METTL16: variants seen among roughly 807,000 people sequenced by gnomAD.
The protein encoded by METTL16 is RNA N(6)-adenosine-methyltransferase METTL16.
In METTL16, 19 loss-of-function variants were observed where a neutral mutation model predicts 57.9. That is an observed-to-expected ratio of 0.33 (90% CI 0.23 to 0.48). METTL16 has a LOEUF of 0.48. Ranked by LOEUF, METTL16 falls within the 20% of genes least tolerant of loss-of-function variation. METTL16 has a pLI of 0.99. For synonymous variants in METTL16, 246 were observed against 255.6 expected, an observed-to-expected ratio of 0.96 and a Z score of 0.36; for missense variants, 434 against 691.5, an observed-to-expected ratio of 0.63 and a Z score of 4.18.
At chr17:2,498,643 A>C (rs902486750) in intron 2 of METTL16, among the ~76,000 whole-genome samples, 2 of 150,750 alleles carry the variant, frequency 1.3e-5, no homozygotes, top group Admixed American at 6.6e-5. Flanking sequence ...GGAGGCTGAG[A>C]CAGGAGAATC....
chr17:2,473,480 G>C (rs2067248850), intron 4 of METTL16, 44 bp downstream of exon 4: 3 of 1,569,010 alleles, frequency 1.9e-6, no homozygotes, highest in Non-Finnish European at 2.6e-6. Flanking sequence ...TAAAAAGGCA[G>C]GTGAAGACAC....
chr17:2,496,846 T>C (rs1276066538), intron 2 of METTL16, among the ~76,000 whole-genome samples: 1 of 151,492 alleles, frequency 6.6e-6, no homozygotes, highest in Non-Finnish European at 1.5e-5. Context: ...CCCTTCCACC[T>C]TCCACCCTGT....
chr17:2,441,514 C>G lies in METTL16; in HGVS notation c.774G>C (p.Leu258=). The G allele has an allele frequency of 6.3e-7, 1 of 1,597,910 alleles. No individual in the cohort carries two copies. The highest frequency in any genetic ancestry group is 8.5e-7 in the Non-Finnish European group (1 of 1,170,930). ...MLGKKCSLAP[L]KEELRIQGVP... ...CCCCTTGTATGCGAAGCTCCTCCTT[C>G]AGAGGCGCCAGGCTGCATTTCTTTC... Residue 258 remains leucine, a synonymous_variant, in exon 7 of 10, where the codon CTG becomes CTC. Transcript: ENST00000263092.
chr17:2,496,253 T>G (rs2067444315), intron 2 of METTL16, among the ~76,000 whole-genome samples: 1 of 151,708 alleles, frequency 6.6e-6, no homozygotes, highest in South Asian at 2.1e-4. Context: ...CTCTGTATAT[T>G]TCTGTCTACT....
intron 1 of METTL16, among the ~76,000 whole-genome samples, chr17:2,505,608 A>AG (rs1323377664): frequency 6.6e-6 from 1 of 151,622 alleles, no homozygotes; most frequent in East Asian, 1.9e-4. Flanking sequence ...CCCAGGCCAG[A>AG]CTTGAACTCC....
chr17:2,508,558 C>T (rs1837822006), intron 1 of METTL16, among the ~76,000 whole-genome samples: 2 of 152,124 alleles, frequency 1.3e-5, no homozygotes, highest in Admixed American at 6.6e-5. Context: ...CTCCATCTCC[C>T]AATTATTTCT....
Position 2,420,137 on chromosome 17 carries a change from G to C in METTL16, c.1522C>G (p.Pro508Ala), listed in dbSNP as rs1325446034. 1 of 1,614,212 alleles carries C rather than the reference G, an allele frequency of 6.2e-7. No homozygotes were observed. The change falls in exon 10 of 10, where the codon CCA becomes GCA. Residue 508 changes from proline to alanine, a missense_variant. Pro to Ala is a conservative substitution (Grantham distance 27, BLOSUM62 -1). Coordinates refer to ENST00000263092, the MANE Select transcript of METTL16 (RefSeq NM_024086.4). The surrounding 1 kb of genome is among the most constrained non-coding windows in gnomAD (Gnocchi z 5.4). ...SPVAERGKRL[P>A]GVAGQYLFKC... Reference sequence around the variant, plus strand: ...AACAGGTACTGTCCGGCCACTCCTGGGAGACGTTTCCCCCTTTCAGCCACT... The same window carrying C: ...AACAGGTACTGTCCGGCCACTCCTGCGAGACGTTTCCCCCTTTCAGCCACT...
At chr17:2,436,243 G>A (rs2062175054) in intron 8 of METTL16, among the ~76,000 whole-genome samples, 1 of 152,036 alleles carries the variant, frequency 6.6e-6, no homozygotes. Context: ...GGGGTGGTGA[G>A]GGGTGTCAAA....
At chr17:2,483,940 T>C (rs561574033) in intron 2 of METTL16, among the ~76,000 whole-genome samples, 2 of 152,348 alleles carry the variant, frequency 1.3e-5, no homozygotes, top group East Asian at 3.9e-4. Context: ...TTCGTGTCTT[T>C]AACTCGAGAA....
chr17:2,419,772 G>C lies in METTL16; in HGVS notation c.*198C>G, dbSNP rs1468025487. ...ATGACCACAATTCCTCCTTGTAAAT[G>C]ACCACACTACGACTCCCTGTAACTC... On this transcript the variant is annotated 3_prime_UTR_variant, in exon 10 of 10. Coordinates refer to ENST00000263092, the MANE Select transcript of METTL16 (RefSeq NM_024086.4). The C allele has an allele frequency of 4.1e-6, 3 of 726,270 alleles. No homozygotes were observed. The highest frequency in any genetic ancestry group is 7.3e-6 in the Non-Finnish European group (3 of 409,458). The allele number at this position is 726,270 out of a possible 1,614,324, so 45.0% of individuals were successfully genotyped here.
At chr17:2,433,063 T>A (rs184069414) in intron 8 of METTL16, among the ~76,000 whole-genome samples, 1 of 152,102 alleles carries the variant, frequency 6.6e-6, no homozygotes, top group African/African-American at 2.4e-5. Flanking sequence ...CACAAGGAAG[T>A]TTATGCAGAG....
chr17:2,466,049 C>T (rs757688829), intron 5 of METTL16, among the ~76,000 whole-genome samples: 4 of 151,652 alleles, frequency 2.6e-5, no homozygotes, highest in South Asian at 2.1e-4. Context: ...AAAAATTAGC[C>T]GGGCGTGGAG....
intron 7 of METTL16, among the ~76,000 whole-genome samples, chr17:2,440,498 C>T (rs1210577755): frequency 2.0e-5 from 3 of 151,982 alleles, no homozygotes; most frequent in Non-Finnish European, 4.4e-5. Flanking sequence ...CCGCCCACAT[C>T]GGCCTGCCAA....
rs574975418 is a variant in METTL16, at chr17:2,510,969, G to A, written c.-1+790C>T. 4.9e-4 allele frequency among the ~76,000 whole-genome samples: 75 copies of A among 151,902 alleles called. No homozygotes were observed. In the Middle Eastern group the frequency reaches 0.014, roughly 28 times the overall value. On this transcript the variant is annotated intron_variant, in intron 1 of 9. Transcript: ENST00000263092. ...ATCTCCCGTCAGTAAGTTTCAAGAG[G>A]GTAAATATTTTGTCTGTCTTGTTCA...
intron 1 of METTL16, among the ~76,000 whole-genome samples, chr17:2,509,697 GCCTGGCCAACATGGAGACCAT>G (rs1443699631): frequency 6.6e-6 from 1 of 152,172 alleles, no homozygotes; most frequent in Non-Finnish European, 1.5e-5. Context: ...TGTGAGACCA[GCCTGGCCAACATGGAGACCAT>G]CCTGGCCAAC....
At chr17:2,481,113 G>A (rs537635964) in intron 2 of METTL16, among the ~76,000 whole-genome samples, 1 of 151,994 alleles carries the variant, frequency 6.6e-6, no homozygotes, top group South Asian at 2.1e-4. Context: ...GGCTGAGCTT[G>A]CAGAATTGCT....
Position 2,417,392 on chromosome 17 carries a change from C to A in METTL16, c.*2578G>T, listed in dbSNP as rs962685005. ...CACGGATTTTTTAAAACTCTAAGGT[C>A]ATTAGCTTGACATCTATAAAATCTC... On this transcript the variant is annotated 3_prime_UTR_variant, in exon 10 of 10. Transcript: ENST00000263092. 3.9e-5 allele frequency: 6 copies of A among 152,024 alleles called. No individual in the cohort carries two copies. Among genetic ancestry groups the A allele is most frequent in the African/African-American group, 1.5e-4 (6 of 41,344 alleles). The allele number at this position is 152,024 out of a possible 1,614,324, so 9.4% of individuals were successfully genotyped here. A position where few individuals can be genotyped will look rare whatever the true frequency, so the allele number is the denominator to read the frequency against.
Position 2,420,872 on chromosome 17 carries a change from T to C in METTL16, c.921A>G (p.Lys307=), listed in dbSNP as rs2066760637. ...SPPSKRRKLE[K]PRKPITFVVL... is the part of the protein sequence containing the mutation. ...CCACGAATGTTATGGGTTTTCTCGG[T>C]TTCTCTAATTTTCTTCGCTTACTTG... The change falls in exon 9 of 10, where the codon AAA becomes AAG. Residue 307 remains lysine, a synonymous_variant. Coordinates refer to ENST00000263092, the MANE Select transcript of METTL16 (RefSeq NM_024086.4). The surrounding 1 kb of genome is among the most constrained non-coding windows in gnomAD (Gnocchi z 5.4). 8 of 1,613,488 alleles carry C rather than the reference T, an allele frequency of 5.0e-6. No homozygotes were observed. Among genetic ancestry groups the C allele is most frequent in the Admixed American group, 1.7e-5 (1 of 59,838 alleles).
At chr17:2,437,250 GATCT>G (rs1177064722) in intron 8 of METTL16, among the ~76,000 whole-genome samples, 1 of 152,046 alleles carries the variant, frequency 6.6e-6, no homozygotes, top group East Asian at 1.9e-4. Context: ...AAGGAATAAT[GATCT>G]ATCACCCAGC....
Sources: gnomAD v4.1 joint callset for allele counts (sites outside exome capture counted in the v4.1 genomes callset) on GRCh38, gnomAD v4.1.1 for gene constraint, Gnocchi (gnomAD v3.1) non-coding constraint, MANE v1.5 for transcripts, NCBI Gene and HGNC (gene_info 2026-07-23, HGNC 2026-07-21) for gene names.